PLCL2: variants seen among roughly 807,000 people sequenced by gnomAD.
The protein encoded by PLCL2 is inactive phospholipase C-like protein 2.
In PLCL2, 4 loss-of-function variants were observed where a neutral mutation model predicts 79.6. That is an observed-to-expected ratio of 0.05 (90% CI 0.02 to 0.11). The LOEUF (loss-of-function observed/expected upper bound fraction) is 0.11, where lower values mean the gene tolerates loss of function less well. PLCL2 is among the 10% of genes least tolerant of loss of function. The pLI is 1.00. For synonymous variants in PLCL2, 484 were observed against 457.7 expected (o/e 1.06, Z -0.73); for missense variants, 895 against 1,291.0 (o/e 0.69, Z 4.70).
intron 1 of PLCL2, among the ~76,000 whole-genome samples, chr3:16,901,339 C>G (rs1696614619): frequency 6.6e-6 from 1 of 152,170 alleles, no homozygotes; most frequent in African/African-American, 2.4e-5. Context: ...GGAGCTGGTG[C>G]TGATGAGGTC....
rs1193514351 is a variant in PLCL2 at position 16,926,727 on chromosome 3, A to G, written c.327+41361A>G. On this transcript the variant is annotated intron_variant, in intron 1 of 5. Transcript: ENST00000615277. ...GCTCACTGCAGGCTCTGCCTCCTGG[A>G]TTCACGCCATTCTCCTGCTTCAGCC... 9.2e-5 allele frequency among the ~76,000 whole-genome samples: 14 copies of G among 151,382 alleles called. No individual in the cohort carries two copies. In the South Asian group the frequency reaches 2.9e-3, roughly 32 times the overall value.
At chr3:17,056,320 TAC>T (rs2064892354) in intron 4 of PLCL2, among the ~76,000 whole-genome samples, 1 of 152,198 alleles carries the variant, frequency 6.6e-6, no homozygotes, top group African/African-American at 2.4e-5. Flanking sequence ...GTTATATATA[TAC>T]ACACATGTAT....
chr3:16,980,311 C>A (rs1434420729), intron 1 of PLCL2, among the ~76,000 whole-genome samples: 49 of 150,138 alleles, frequency 3.3e-4, no homozygotes, highest in Non-Finnish European at 5.8e-4. Flanking sequence ...GGCGGCTGGC[C>A]GGGCGGAGAC....
At chr3:16,998,565 A>T (rs2125000835) in intron 1 of PLCL2, among the ~76,000 whole-genome samples, 1 of 152,342 alleles carries the variant, frequency 6.6e-6, no homozygotes, top group South Asian at 2.1e-4. Context: ...CTAGAATCTA[A>T]AGGATCACTA....
Position 17,010,419 on chromosome 3 carries a change from T to C in PLCL2, c.1073T>C (p.Leu358Pro), listed in dbSNP as rs1257958055. The C allele has an allele frequency of 6.2e-7, 1 of 1,613,906 alleles. No homozygotes were observed. Among genetic ancestry groups the C allele is most frequent in the Admixed American group, 1.7e-5 (1 of 60,010 alleles). The change falls in exon 2 of 6, where the codon CTT (leucine) becomes CCT (proline). Residue 358 changes from leucine to proline, a missense_variant. Leu to Pro is a moderately conservative substitution (Grantham distance 98). Around this residue, in one of 6 missense-constraint regions of PLCL2, gnomAD observed 93 missense variants for 93.2 expected, o/e 1.00. Coordinates refer to ENST00000615277, the MANE Select transcript of PLCL2 (RefSeq NM_001144382.2). This position sits in a 1 kb window ranked among gnomAD's most constrained non-coding sequence, Gnocchi z 5.8. ...LVQFSSNKEFLDTKDLMMFLE... is the reference protein window; with the variant it reads ...LVQFSSNKEFPDTKDLMMFLE... ...CAGTTTTCAAGCAATAAAGAATTCC[T>C]TGATACCAAGGACCTTATGATGTTT...
intron 1 of PLCL2, among the ~76,000 whole-genome samples, chr3:16,970,211 C>T (rs1429902173): frequency 1.3e-5 from 2 of 151,820 alleles, no homozygotes; most frequent in East Asian, 3.9e-4. Context: ...TCTCTCCCCC[C>T]TCCCCCCAGC....
At chr3:16,989,360 C>T (rs1227971474) in intron 1 of PLCL2, among the ~76,000 whole-genome samples, 1 of 152,098 alleles carries the variant, frequency 6.6e-6, no homozygotes, top group African/African-American at 2.4e-5. Flanking sequence ...TCTAGACCTG[C>T]ACTGTCAGAT....
intron 3 of PLCL2, among the ~76,000 whole-genome samples, chr3:17,031,485 G>A (rs1052744989): frequency 2.6e-5 from 4 of 152,158 alleles, no homozygotes; most frequent in African/African-American, 7.2e-5. Context: ...TGTCTGGGAT[G>A]GGATAAGGAT....
Position 16,990,266 on chromosome 3 carries a change from T to C in PLCL2, c.328-19408T>C, listed in dbSNP as rs897659544. ...CTAGGATACAGTACTATTATTGTAG[T>C]CCCTGTTTTAGGGTTAGCTACACAG... On this transcript the variant is annotated intron_variant, in intron 1 of 5. Transcript: ENST00000615277. 3.9e-5 allele frequency among the ~76,000 whole-genome samples: 6 copies of C among 152,192 alleles called. 1 individual carries two copies. The highest frequency in any genetic ancestry group is 3.9e-4 in the Admixed American group (6 of 15,284).
At chr3:16,990,927 C>T (rs1386077416) in intron 1 of PLCL2, among the ~76,000 whole-genome samples, 1 of 152,200 alleles carries the variant, frequency 6.6e-6, no homozygotes, top group Non-Finnish European at 1.5e-5. Flanking sequence ...AGGTTGTCAA[C>T]AGCAGATAAC....
At chr3:16,910,467 A>G (rs959724335) in intron 1 of PLCL2, among the ~76,000 whole-genome samples, 2 of 150,702 alleles carry the variant, frequency 1.3e-5, no homozygotes, top group South Asian at 2.1e-4. Context: ...AGGGCTCCCT[A>G]CTCTCCCAGT....
chr3:17,090,037 TA>T lies in PLCL2; in HGVS notation c.*127del. The T allele has an allele frequency of 7.1e-7, 1 of 1,416,918 alleles. No individual in the cohort carries two copies. The highest frequency in any genetic ancestry group is 1.7e-5 in the South Asian group (1 of 60,240). 87.8% of individuals were successfully genotyped at this position (1,416,918 alleles called of 1,614,324 possible). A position where few individuals can be genotyped will look rare whatever the true frequency, so the allele number is the denominator to read the frequency against. On this transcript the variant is annotated 3_prime_UTR_variant, in exon 6 of 6. Transcript: ENST00000615277. Reference sequence around the variant, plus strand: ...GATTTTAAAGCACAACTGGAATAGCTAATTACAGTCTATTAAAACTGTGAAT... The same window carrying T: ...GATTTTAAAGCACAACTGGAATAGCTATTACAGTCTATTAAAACTGTGAAT...
intron 1 of PLCL2, among the ~76,000 whole-genome samples, chr3:16,932,668 C>T (rs990361889): frequency 2.6e-5 from 4 of 152,150 alleles, no homozygotes; most frequent in African/African-American, 2.4e-5. Flanking sequence ...AGATAATGCA[C>T]GGTAGCTGAT....
intron 1 of PLCL2, among the ~76,000 whole-genome samples, chr3:16,911,147 G>A (rs532137289): frequency 2.3e-3 from 356 of 151,720 alleles, no homozygotes; most frequent in African/African-American, 7.9e-3. Context: ...CAGCTACTCC[G>A]GAGGCTGAGG....
intron 5 of PLCL2, among the ~76,000 whole-genome samples, chr3:17,078,896 A>G (rs1017278876): frequency 2.0e-5 from 3 of 152,172 alleles, no homozygotes; most frequent in African/African-American, 7.2e-5. Context: ...AATTGACTGA[A>G]AGCCATTTCT....
intron 1 of PLCL2, among the ~76,000 whole-genome samples, chr3:17,001,869 AT>A (rs370805131): frequency 0.022 from 3,232 of 146,916 alleles, 52 homozygotes; most frequent in South Asian, 0.044. Context: ...GAATGTTAGG[AT>A]TTTTTTTTTT....
chr3:17,067,791 T>G (rs568928969), intron 4 of PLCL2, among the ~76,000 whole-genome samples, 165 bp from the exon 5 acceptor site: 281 of 152,348 alleles, frequency 1.8e-3, no homozygotes, highest in African/African-American at 6.4e-3. Context: ...CTGCCATAAT[T>G]TTTCAGTGTT....
Position 16,982,745 on chromosome 3 carries a change from C to T in PLCL2, c.328-26929C>T, listed in dbSNP as rs766795229. On this transcript the variant is annotated intron_variant, in intron 1 of 5. Transcript: ENST00000615277. The stretch of plus-strand genomic sequence containing the variant: ...GCCAAATTTTCTTCTCTTTCCTTTA[C>T]TGAAAAGAGAAAAGCTGTTCTACAG... Among the ~76,000 whole-genome samples, 191 of 152,032 alleles carry T rather than the reference C, an allele frequency of 1.3e-3. 3 individuals are homozygous for T. The highest frequency in any genetic ancestry group is 4.1e-4 in the Non-Finnish European group (28 of 68,024).
Position 16,887,463 on chromosome 3 carries a change from A to G in PLCL2, c.327+2097A>G, listed in dbSNP as rs1480460659. 6.6e-6 allele frequency among the ~76,000 whole-genome samples: 1 copy of G among 152,244 alleles called. No homozygotes were observed. The highest frequency in any genetic ancestry group is 2.4e-5 in the African/African-American group (1 of 41,468). On this transcript the variant is annotated intron_variant, in intron 1 of 5. Transcript: ENST00000615277. The surrounding 1 kb of genome is among the most constrained non-coding windows in gnomAD (Gnocchi z 4.1). Reference sequence around the variant, plus strand: ...ATTGTACCTCCAAAGAAGGCTTGACATACTCCTTTTTCTTGCCTCTGTTTT... The same window carrying G: ...ATTGTACCTCCAAAGAAGGCTTGACGTACTCCTTTTTCTTGCCTCTGTTTT...
Sources: allele counts gnomAD v4.1 joint callset (sites outside exome capture counted in the v4.1 genomes callset), GRCh38; gene constraint gnomAD v4.1.1; regional missense constraint gnomAD v4.1.1; non-coding constraint Gnocchi (gnomAD v3.1); transcripts MANE v1.5; gene names NCBI Gene and HGNC (gene_info 2026-07-23, HGNC 2026-07-21).